The following CBARP variants were observed in gnomAD, a reference collection of about 807,000 sequenced individuals.
The protein encoded by CBARP is voltage-dependent calcium channel beta subunit-associated regulatory protein.
CBARP carries 24 observed loss-of-function variants against 36.3 expected under a neutral mutation model. The observed-to-expected ratio is 0.66, with a 90% CI of 0.48 to 0.93. The LOEUF is 0.93. Ranked by LOEUF, CBARP falls within the 40% of genes least tolerant of loss-of-function variation. The probability of loss-of-function intolerance (pLI) is 0.00; values close to 1 mark genes in which losing one functional copy is unlikely to be tolerated. For synonymous variants in CBARP, 586 were observed against 453.2 expected (o/e 1.29, Z -3.72); for missense variants, 1,146 against 980.4 (o/e 1.17, Z -2.26).
chr19:1,237,316 C>T (rs2080989017), intron 1 of CBARP, among the ~76,000 whole-genome samples: 1 of 152,116 alleles, frequency 6.6e-6, no homozygotes, highest in Non-Finnish European at 1.5e-5. Context: ...GAAATGAGTT[C>T]AGGCTGGAGG....
rs577025266 is a variant in CBARP, at chr19:1,230,350, G to A, written c.1155-208C>T. 8.1e-6 allele frequency: 8 copies of A among 986,800 alleles called. No individual in the cohort carries two copies. The South Asian group carries it at 3.7e-4, about 46-fold the overall frequency. The allele number at this position is 986,800 out of a possible 1,614,324, so 61.1% of individuals were successfully genotyped here. ...CTGAGCTGTGGCGCCTGCTTATTAAGCAGGGTGCCTCCATGCTGGACTGCA... is the reference window on the plus strand; with the variant it reads ...CTGAGCTGTGGCGCCTGCTTATTAAACAGGGTGCCTCCATGCTGGACTGCA... On this transcript the variant is annotated intron_variant, in intron 9 of 9. Transcript: ENST00000650044.
In CBARP at chr19:1,231,103, G is replaced by T; in HGVS notation, c.1152C>A (p.Gly384=). 6.3e-7 allele frequency: 1 copy of T among 1,597,716 alleles called. No individual in the cohort carries two copies. Residue 384 remains glycine (G), a splice_region_variant and synonymous_variant, in exon 9 of 10, where the codon GGC becomes GGA. Transcript: ENST00000650044. ...PFLASPPPAL[G]RLEAAEAAGG... ...CACCTCCATCTACTGAAAAATACCTGCCGAGAGCAGGGGGCGGGCTGGCCA... is the reference window on the plus strand; with the variant it reads ...CACCTCCATCTACTGAAAAATACCTTCCGAGAGCAGGGGGCGGGCTGGCCA...
rs764667660 is a variant in CBARP at position 1,235,039 on chromosome 19, C to T, written c.417G>A (p.Leu139=). 1.9e-6 allele frequency: 3 copies of T among 1,611,064 alleles called. No homozygotes were observed. Among genetic ancestry groups the T allele is most frequent in the South Asian group, 2.2e-5 (2 of 91,024 alleles). The change falls in exon 5 of 10, where the codon CTG becomes CTA. Residue 139 remains leucine, a synonymous_variant. Transcript: ENST00000650044. ...CCTGCGTCTTGCGGCTCTGCTCAAA[C>T]AGCGCCGCCTCATTGAAGGAGACCC... is the stretch of plus-strand genomic sequence containing the variant. The part of the protein sequence containing the change: ...GRRVSFNEAA[L]FEQSRKTQDK...
At position 1,229,481 on chromosome 19, in the gene CBARP, C is replaced by T; in HGVS notation, c.1816G>A (p.Ala606Thr). The T allele has an allele frequency of 1.0e-6, 1 of 979,056 alleles. No homozygotes were observed. Among genetic ancestry groups the T allele is most frequent in the African/African-American group, 1.8e-5 (1 of 56,582 alleles). 60.6% of individuals were successfully genotyped at this position (979,056 alleles called of 1,614,324 possible). The change falls in exon 10 of 10, where the codon GCC becomes ACC. Residue 606 changes from alanine to threonine, a missense_variant. Physicochemically the swap from Ala to Thr is moderately conservative, Grantham distance 58. Transcript: ENST00000650044. The surrounding 1 kb of genome is among the most constrained non-coding windows in gnomAD (Gnocchi z 5.1). ...PALAGTPAPP[A>T]GAARPARAPL... is the part of the protein sequence containing the mutation. ...GCACGCGCGGGTCGGGCCGCGCCGG[C>T]AGGCGGTGCCGGGGTTCCGGCCAGG...
chr19:1,229,261 GGAAA>G lies in CBARP; in HGVS notation c.2032_2035del (p.Phe678ArgfsTer149), dbSNP rs1183086564. On this transcript the variant is annotated frameshift_variant, in exon 10 of 10. Transcript: ENST00000650044. LOFTEE classifies it low-confidence loss of function (END_TRUNC). This position sits in a 1 kb window ranked among gnomAD's most constrained non-coding sequence, Gnocchi z 5.1. Reference sequence around the variant, plus strand: ...CACGACGGGCTCGGCGAGGCGCGGCGGAAAGAGTCTCTCGTCGAGGCCAGCCGCC... The same window carrying G: ...CACGACGGGCTCGGCGAGGCGCGGCGGAGTCTCTCGTCGAGGCCAGCCGCC... The G allele has an allele frequency of 2.4e-6, 3 of 1,249,176 alleles. No homozygotes were observed. Among genetic ancestry groups the G allele is most frequent in the Non-Finnish European group, 3.1e-6 (3 of 972,448 alleles). The allele number at this position is 1,249,176 out of a possible 1,614,324, so 77.4% of individuals were successfully genotyped here.
chr19:1,229,933 C>T lies in CBARP; in HGVS notation c.1364G>A (p.Ser455Asn), dbSNP rs1326634774. The T allele has an allele frequency of 2.5e-6, 3 of 1,179,784 alleles. No individual in the cohort carries two copies. The highest frequency in any genetic ancestry group is 3.2e-6 in the Non-Finnish European group (3 of 932,026). 73.1% of individuals were successfully genotyped at this position (1,179,784 alleles called of 1,614,324 possible). Residue 455 changes from serine to asparagine, a missense_variant, in exon 10 of 10, where the codon AGC (serine) becomes AAC (asparagine). Coordinates refer to ENST00000650044, the MANE Select transcript of CBARP (RefSeq NM_001393918.1). This position sits in a 1 kb window ranked among gnomAD's most constrained non-coding sequence, Gnocchi z 5.1. ...CACCGAGTCGCGGTCGTTGCCGCTGCTGCTGTGGTCCGAGGCGGCCGCATG... is the reference window on the plus strand; with the variant it reads ...CACCGAGTCGCGGTCGTTGCCGCTGTTGCTGTGGTCCGAGGCGGCCGCATG... The part of the protein sequence containing the change: ...ELHAAASDHS[S>N]SGNDRDSVRS...
rs1394230721 is a variant in CBARP, at chr19:1,235,647, GCCCTGCGCATCACCCAGTC to G, written c.246-101_246-83del. 4.4e-6 allele frequency: 7 copies of G among 1,583,830 alleles called. No individual in the cohort carries two copies. In the East Asian group the frequency reaches 1.6e-4, roughly 37 times the overall value. On this transcript the variant is annotated intron_variant, in intron 3 of 9. Transcript: ENST00000650044. ...GTCTCGGCTCTTTGCCCCAAGCCAA[GCCCTGCGCATCACCCAGTC>G]TCCAGAGGCATAGCCCACCCTGTGA... is the stretch of plus-strand genomic sequence containing the variant.
intron 1 of CBARP, among the ~76,000 whole-genome samples, chr19:1,237,286 G>A (rs1465270374): frequency 1.3e-5 from 2 of 152,234 alleles, no homozygotes; most frequent in Non-Finnish European, 2.9e-5. Context: ...CTGGGGGAAG[G>A]GGCCGCATAT....
At position 1,230,152 on chromosome 19, in the gene CBARP, A is replaced by G; in HGVS notation, c.1155-10T>C. 3.0e-6 allele frequency: 3 copies of G among 1,006,772 alleles called. No homozygotes were observed. The highest frequency in any genetic ancestry group is 3.7e-5 in the South Asian group (1 of 27,330). The allele number at this position is 1,006,772 out of a possible 1,614,324, so 62.4% of individuals were successfully genotyped here. A position where few individuals can be genotyped will look rare whatever the true frequency, so the allele number is the denominator to read the frequency against. On this transcript the variant is annotated splice_polypyrimidine_tract_variant and intron_variant, in intron 9 of 9. Coordinates refer to ENST00000650044, the MANE Select transcript of CBARP (RefSeq NM_001393918.1). ...CTCGGCCGCCTCTAGCCTGCAAGCC[A>G]GGCCGCGCCGTCAGAGCCCCGCCGA... is the stretch of plus-strand genomic sequence containing the variant.
chr19:1,233,016 C>A (rs893925171), intron 8 of CBARP, among the ~76,000 whole-genome samples: 1 of 152,230 alleles, frequency 6.6e-6, no homozygotes, highest in Non-Finnish European at 1.5e-5. Flanking sequence ...CGGGGGAACC[C>A]GCCTTCCACT....
intron 9 of CBARP, chr19:1,230,716 G>T (rs566902996): frequency 7.8e-7 from 1 of 1,282,382 alleles, no homozygotes; most frequent in Non-Finnish European, 9.8e-7. Context: ...GCTGCTGGCC[G>T]GAGTGGTCAC....
upstream of CBARP, chr19:1,238,226 G>A (rs2081002569): frequency 6.6e-6 from 1 of 151,594 alleles, no homozygotes; most frequent in Admixed American, 6.6e-5. Flanking sequence ...TGCAGCCCGA[G>A]GTGCGCCGCG....
In CBARP at chr19:1,229,803, C is replaced by A; in HGVS notation, c.1494G>T (p.Leu498=). 1 of 1,004,986 alleles carries A rather than the reference C, an allele frequency of 1.0e-6. No homozygotes were observed. 62.3% of individuals were successfully genotyped at this position (1,004,986 alleles called of 1,614,324 possible). ...PRPKDGEARR[L]LQMDSGYASI... is the part of the protein sequence containing the mutation. ...TGGCGTAGCCACTGTCCATCTGCAG[C>A]AGCCGGCGCGCCTCGCCGTCCTTGG... The change falls in exon 10 of 10, where the codon CTG becomes CTT. Residue 498 remains leucine, a synonymous_variant. Coordinates refer to ENST00000650044, the MANE Select transcript of CBARP (RefSeq NM_001393918.1). This position sits in a 1 kb window ranked among gnomAD's most constrained non-coding sequence, Gnocchi z 5.1.
In CBARP at chr19:1,229,233, C is replaced by T. The variant is rs1289244043; in HGVS notation, c.2064G>A (p.Ala688=). The part of the protein sequence containing the change: ...FPPRLAEPVV[A]TPALVAAAPT... ...GGGCGGCGGCGACCAACGCGGGAGT[C>T]GCCACGACGGGCTCGGCGAGGCGCG... The change falls in exon 10 of 10, where the codon GCG becomes GCA. Residue 688 remains alanine, a synonymous_variant. Coordinates refer to ENST00000650044, the MANE Select transcript of CBARP (RefSeq NM_001393918.1). The surrounding 1 kb of genome is among the most constrained non-coding windows in gnomAD (Gnocchi z 5.1). 106 of 1,233,720 alleles carry T rather than the reference C, an allele frequency of 8.6e-5. No homozygotes were observed. The highest frequency in any genetic ancestry group is 1.1e-4 in the Non-Finnish European group (102 of 964,026). 76.4% of individuals were successfully genotyped at this position (1,233,720 alleles called of 1,614,324 possible). A position where few individuals can be genotyped will look rare whatever the true frequency, so the allele number is the denominator to read the frequency against.
At chr19:1,231,397 A>C in intron 8 of CBARP, 122 bp from the exon 9 acceptor site, 3 of 1,234,300 alleles carry the variant, frequency 2.4e-6, no homozygotes, top group Non-Finnish European at 3.2e-6. Flanking sequence ...CGCCACACAC[A>C]ACGCCTGTGG....
chr19:1,231,560 G>A (rs1231414481), intron 8 of CBARP, among the ~76,000 whole-genome samples: 4 of 51,228 alleles, frequency 7.8e-5, no homozygotes, highest in Non-Finnish European at 1.4e-4. Flanking sequence ...ACACACGCCT[G>A]TGCCCCCCCC....
intron 8 of CBARP, among the ~76,000 whole-genome samples, 177 bp from the exon 9 acceptor site, chr19:1,231,452 G>A (rs1352801949): frequency 3.9e-5 from 3 of 77,884 alleles, no homozygotes; most frequent in Non-Finnish European, 4.7e-5. Flanking sequence ...CACATACAAC[G>A]CCTGGGCCCC....
chr19:1,233,425 C>T lies in CBARP; in HGVS notation c.979+1G>A. ...ACTCTCCACCAGGTGCTACAGCTCA[C>T]CTCTCGTGTCCAGACTGGCTGCCCG... On this transcript the variant is annotated splice_donor_variant, in intron 8 of 9. Coordinates refer to ENST00000650044, the MANE Select transcript of CBARP (RefSeq NM_001393918.1). LOFTEE classifies it high-confidence loss of function. 1 of 1,585,170 alleles carries T rather than the reference C, an allele frequency of 6.3e-7. No homozygotes were observed.
chr19:1,235,057 G>A lies in CBARP; in HGVS notation c.399C>T (p.Ser133=). The change falls in exon 5 of 10, where the codon TCC becomes TCT. Residue 133 remains serine, a synonymous_variant. Transcript: ENST00000650044. ...LSTSSTGRRV[S]FNEAALFEQS... is the part of the protein sequence containing the mutation. The stretch of plus-strand genomic sequence containing the variant: ...GCTCAAACAGCGCCGCCTCATTGAA[G>A]GAGACCCGGCGGCCCGTGGAGCTGG... The A allele has an allele frequency of 1.2e-6, 2 of 1,611,340 alleles. No individual in the cohort carries two copies. The highest frequency in any genetic ancestry group is 1.7e-6 in the Non-Finnish European group (2 of 1,179,260).
Sources: gnomAD v4.1 joint callset for allele counts (sites outside exome capture counted in the v4.1 genomes callset) on GRCh38, gnomAD v4.1.1 for gene constraint, Gnocchi (gnomAD v3.1) non-coding constraint, MANE v1.5 for transcripts, NCBI Gene and HGNC (gene_info 2026-07-23, HGNC 2026-07-21) for gene names.